The following LMNA variants were observed in gnomAD, a reference collection of about 807,000 sequenced individuals.
The protein encoded by LMNA is lamin A/C, also known as lamin.
In LMNA, 20 loss-of-function variants were observed where a neutral mutation model predicts 70.4. That is an observed-to-expected ratio of 0.28 (90% CI 0.20 to 0.41). LMNA has a LOEUF of 0.41. Among genes scored for constraint, LMNA ranks in the 10% least tolerant of loss-of-function variants. LMNA has a pLI of 1.00. For missense variants in LMNA, 652 were observed against 917.2 expected (o/e 0.71, Z 3.73); for synonymous variants, 339 against 372.8 (o/e 0.91, Z 1.04).
intron 3 of LMNA, among the ~76,000 whole-genome samples, chr1:156,092,801 C>T (rs1233918957): frequency 1.3e-5 from 2 of 151,984 alleles, no homozygotes; most frequent in Non-Finnish European, 2.9e-5. Context: ...CTGGCCAGCT[C>T]CTGCCCACCT....
rs1408684864 is a variant in LMNA, at chr1:156,114,799, G to A, written c.-120G>A. 7.1e-6 allele frequency: 5 copies of A among 702,226 alleles called. No homozygotes were observed. The highest frequency in any genetic ancestry group is 9.1e-6 in the Non-Finnish European group (4 of 438,478). The allele number at this position is 702,226 out of a possible 1,614,324, so 43.5% of individuals were successfully genotyped here. On this transcript the variant is annotated 5_prime_UTR_variant, in exon 1 of 12. Transcript: ENST00000368300. ...GCCCAGATCCCCACGCCTGCCAGGA[G>A]CAAGCCGAGAGCCAGCCGGCCGGCG...
Position 156,114,857 on chromosome 1 carries a change from C to T in LMNA, c.-62C>T. On this transcript the variant is annotated 5_prime_UTR_variant, in exon 1 of 12. Coordinates refer to ENST00000368300, the MANE Select transcript of LMNA (RefSeq NM_170707.4). Reference sequence around the variant, plus strand: ...ACTCCGAGCAGTCTCTGTCCTTCGACCCGAGCCCCGCGCCCTTTCCGGGAC... The same window carrying T: ...ACTCCGAGCAGTCTCTGTCCTTCGATCCGAGCCCCGCGCCCTTTCCGGGAC... 1.6e-6 allele frequency: 2 copies of T among 1,212,656 alleles called. No individual in the cohort carries two copies. Among genetic ancestry groups the T allele is most frequent in the Middle Eastern group, 2.8e-4 (1 of 3,586 alleles). 75.1% of individuals were successfully genotyped at this position (1,212,656 alleles called of 1,614,324 possible).
chr1:156,092,806 C>T (rs144428380), intron 3 of LMNA, among the ~76,000 whole-genome samples: 1 of 151,972 alleles, frequency 6.6e-6, no homozygotes, highest in African/African-American at 2.4e-5. Context: ...CAGCTCCTGC[C>T]CACCTCTCCA....
rs897990074 is a variant in LMNA, at chr1:156,136,635, C to T, written c.1380+199C>T. The T allele has an allele frequency of 2.8e-5, 19 of 683,282 alleles. No individual in the cohort carries two copies. Among genetic ancestry groups the T allele is most frequent in the African/African-American group, 2.1e-4 (12 of 56,318 alleles). The allele number at this position is 683,282 out of a possible 1,614,324, so 42.3% of individuals were successfully genotyped here. A position where few individuals can be genotyped will look rare whatever the true frequency, so the allele number is the denominator to read the frequency against. On this transcript the variant is annotated intron_variant, in intron 7 of 11. Coordinates refer to ENST00000368300, the MANE Select transcript of LMNA (RefSeq NM_170707.4). The surrounding 1 kb of genome is among the most constrained non-coding windows in gnomAD (Gnocchi z 6.1). ...GTGAGACCTTGAGCAGGTTATTTAACCTCTCAGAGCATCAGTTTCCTCATC... is the reference window on the plus strand; with the variant it reads ...GTGAGACCTTGAGCAGGTTATTTAATCTCTCAGAGCATCAGTTTCCTCATC...
rs1346177951 is a variant in LMNA, at chr1:156,139,623, C to A, written c.*517C>A. The stretch of plus-strand genomic sequence containing the variant: ...AGAGAGAGGACAGCTTGAGCCGGGC[C>A]CCTGGGCTTGGCCTGCTGTGATTCC... On this transcript the variant is annotated 3_prime_UTR_variant, in exon 12 of 12. Transcript: ENST00000368300. 4.9e-6 allele frequency: 7 copies of A among 1,440,096 alleles called. 1 individual carries two copies. The South Asian group carries it at 8.6e-5, about 18-fold the overall frequency. 89.2% of individuals were successfully genotyped at this position (1,440,096 alleles called of 1,614,324 possible). A position where few individuals can be genotyped will look rare whatever the true frequency, so the allele number is the denominator to read the frequency against.
At chr1:156,122,609 C>CT (rs1329626873) in intron 1 of LMNA, among the ~76,000 whole-genome samples, 1 of 152,198 alleles carries the variant, frequency 6.6e-6, no homozygotes, top group Non-Finnish European at 1.5e-5. Flanking sequence ...TTTTCGATGC[C>CT]TCTCCCTTCT....
rs150049994 is a variant in LMNA, at chr1:156,117,079, ATTTTTT to A, written c.356+1823_356+1828del. Among the ~76,000 whole-genome samples, 29 of 112,636 alleles carry A rather than the reference ATTTTTT, an allele frequency of 2.6e-4. No homozygotes were observed. In the South Asian group the frequency reaches 7.1e-3, roughly 28 times the overall value. 73.9% of individuals were successfully genotyped at this position (112,636 alleles called of 152,430 possible). On this transcript the variant is annotated intron_variant, in intron 1 of 11. Transcript: ENST00000368300. ...TAAGTGTGTGCCACCACACATGGCT[ATTTTTT>A]TTTTTTTTTTTTTTTTTAATTTTTA...
chr1:156,128,579 C>T (rs1650783889), intron 1 of LMNA, among the ~76,000 whole-genome samples: 1 of 152,204 alleles, frequency 6.6e-6, no homozygotes. Flanking sequence ...CTCCTCCTGG[C>T]TTCTCCATTC....
chr1:156,107,856 G>C (rs1222843346), intron 3 of LMNA, among the ~76,000 whole-genome samples: 2 of 151,332 alleles, frequency 1.3e-5, no homozygotes, highest in African/African-American at 2.4e-5. Context: ...ACCCAGGCTG[G>C]AGTGCAGTGA....
At chr1:156,127,360 G>A (rs1418072537) in intron 1 of LMNA, among the ~76,000 whole-genome samples, 3 of 152,058 alleles carry the variant, frequency 2.0e-5, no homozygotes, top group African/African-American at 4.8e-5. Context: ...GGAGCTCCCC[G>A]TGCCTAAGAA....
Position 156,139,559 on chromosome 1 carries a change from A to C in LMNA, c.*453A>C. ...TCTCCGCCAGCCTCCTCTGGACGGC[A>C]GGCTCACTGCCAGGCCAGCCTCCGA... On this transcript the variant is annotated 3_prime_UTR_variant, in exon 12 of 12. Coordinates refer to ENST00000368300, the MANE Select transcript of LMNA (RefSeq NM_170707.4). The C allele has an allele frequency of 7.2e-7, 1 of 1,388,452 alleles. No homozygotes were observed. The highest frequency in any genetic ancestry group is 1.5e-5 in the African/African-American group (1 of 67,754). 86.0% of individuals were successfully genotyped at this position (1,388,452 alleles called of 1,614,324 possible). A position where few individuals can be genotyped will look rare whatever the true frequency, so the allele number is the denominator to read the frequency against.
At chr1:156,111,414 A>C (rs1572328893), upstream of LMNA, among the ~76,000 whole-genome samples, 1 of 151,378 alleles carries the variant, frequency 6.6e-6, no homozygotes, top group East Asian at 1.9e-4. Context: ...GTACTGTTGC[A>C]CTTCAGCCTG....
intron 3 of LMNA, among the ~76,000 whole-genome samples, chr1:156,105,943 C>G (rs1183256851): frequency 1.3e-5 from 2 of 151,856 alleles, no homozygotes; most frequent in East Asian, 1.9e-4. Flanking sequence ...ACGGTGAAAC[C>G]CCGTCTCTAC....
chr1:156,087,226 C>A (rs1278852493), intron 2 of LMNA, among the ~76,000 whole-genome samples: 1 of 151,860 alleles, frequency 6.6e-6, no homozygotes, highest in Non-Finnish European at 1.5e-5. Flanking sequence ...TGAGATTTTC[C>A]CATTTTCTTT....
chr1:156,109,324 T>C (rs1391972683), upstream of LMNA, among the ~76,000 whole-genome samples: 3 of 152,108 alleles, frequency 2.0e-5, no homozygotes, highest in African/African-American at 4.8e-5. Flanking sequence ...GCTTTCCTTC[T>C]CTCCTTGACC....
At chr1:156,126,372 G>A (rs924003189) in intron 1 of LMNA, 38 of 726,384 alleles carry the variant, frequency 5.2e-5, no homozygotes, top group Middle Eastern at 2.4e-4. Flanking sequence ...GAGAGGAAAC[G>A]GAGGCCTCTC....
At chr1:156,082,976 G>C (rs1572303469) in exon 2 of LMNA, 1 of 152,442 alleles carries the variant, frequency 6.6e-6, no homozygotes, top group South Asian at 2.1e-4. Flanking sequence ...GCCGCGGGGA[G>C]AGGTTCTCGG....
At chr1:156,129,883 C>T (rs1383970741) in intron 1 of LMNA, 1 of 770,044 alleles carries the variant, frequency 1.3e-6, no homozygotes, top group African/African-American at 1.7e-5. Flanking sequence ...ACATCTGGAA[C>T]CAGATGCTGA....
In LMNA at chr1:156,139,124, AG is replaced by A. The variant is rs767436047; in HGVS notation, c.*22del. Reference sequence around the variant, plus strand: ...TCATGTAATCTGGGACCTGCCAGGCAGGGGTGGGGGTGGAGGCTTCCTGCGT... The same window carrying A: ...TCATGTAATCTGGGACCTGCCAGGCAGGGTGGGGGTGGAGGCTTCCTGCGT... On this transcript the variant is annotated 3_prime_UTR_variant, in exon 12 of 12. Transcript: ENST00000368300. The A allele has an allele frequency of 9.9e-6, 16 of 1,613,324 alleles. No individual in the cohort carries two copies. Among genetic ancestry groups the A allele is most frequent in the Middle Eastern group, 1.6e-4 (1 of 6,084 alleles).
Sources: gnomAD v4.1 joint callset for allele counts (sites outside exome capture counted in the v4.1 genomes callset) on GRCh38, gnomAD v4.1.1 for gene constraint, Gnocchi (gnomAD v3.1) non-coding constraint, MANE v1.5 for transcripts, NCBI Gene and HGNC (gene_info 2026-07-23, HGNC 2026-07-21) for gene names.